Variants in PEX14 observed in about 807,000 individuals in gnomAD.
PEX14 encodes peroxisomal biogenesis factor 14.
In PEX14, 15 loss-of-function variants were observed where a neutral mutation model predicts 49.5. The observed-to-expected ratio is 0.30, with a 90% CI of 0.20 to 0.47. The LOEUF (loss-of-function observed/expected upper bound fraction) is 0.47. Ranked by LOEUF, PEX14 falls within the 20% of genes least tolerant of loss-of-function variation. PEX14 has a pLI of 1.00. For synonymous variants in PEX14, 210 were observed against 212.7 expected, an observed-to-expected ratio of 0.99 and a Z score of 0.11; for missense variants, 398 against 494.8, an observed-to-expected ratio of 0.80 and a Z score of 1.86.
At position 10,527,744 on chromosome 1, in the gene PEX14, G is replaced by A. The variant is rs183531496; in HGVS notation, c.85-8469G>A. 3.5e-3 allele frequency among the ~76,000 whole-genome samples: 537 copies of A among 151,914 alleles called. 3 individuals carry two copies. The highest frequency in any genetic ancestry group is 0.012 in the African/African-American group (506 of 41,442). On this transcript the variant is annotated intron_variant, in intron 2 of 8. Coordinates refer to ENST00000356607, the MANE Select transcript of PEX14 (RefSeq NM_004565.3). ...GCTGGAGTGCAGTGGTGCGATCTTGGTTCATTGCAACCTCTGCCTCCCAGG... is the reference window on the plus strand; with the variant it reads ...GCTGGAGTGCAGTGGTGCGATCTTGATTCATTGCAACCTCTGCCTCCCAGG...
chr1:10,492,432 T>A (rs1641488732), intron 1 of PEX14, among the ~76,000 whole-genome samples: 1 of 152,242 alleles, frequency 6.6e-6, no homozygotes, highest in Non-Finnish European at 1.5e-5. Context: ...AAAATGTGGT[T>A]TAAACAAAAC....
intron 1 of PEX14, among the ~76,000 whole-genome samples, chr1:10,480,825 C>G (rs1285878165): frequency 1.3e-5 from 2 of 150,498 alleles, no homozygotes. Context: ...TGCTTTATGT[C>G]AGTCTCTCTC....
At chr1:10,524,677 TTTGA>T (rs113020709) in intron 2 of PEX14, among the ~76,000 whole-genome samples, 26 of 71,308 alleles carry the variant, frequency 3.6e-4, no homozygotes, top group African/African-American at 7.4e-4. Flanking sequence ...TGTGGAATCA[TTTGA>T]TTGATTGATT....
intron 2 of PEX14, among the ~76,000 whole-genome samples, chr1:10,507,787 T>C (rs1641812529): frequency 6.6e-6 from 1 of 152,242 alleles, no homozygotes; most frequent in Non-Finnish European, 1.5e-5. Flanking sequence ...TTATTTCTAC[T>C]TTCTCTGCCC....
chr1:10,562,150 GC>G (rs1639669420), intron 3 of PEX14, among the ~76,000 whole-genome samples: 1 of 152,052 alleles, frequency 6.6e-6, no homozygotes, highest in East Asian at 1.9e-4. Context: ...CCTGCGCACT[GC>G]CCCCTGCTGC....
At chr1:10,618,737 G>A (rs1420501240) in intron 5 of PEX14, among the ~76,000 whole-genome samples, 1 of 152,230 alleles carries the variant, frequency 6.6e-6, no homozygotes, top group Non-Finnish European at 1.5e-5. Flanking sequence ...CGGGGAAGCC[G>A]TGCGAGCAGT....
intron 3 of PEX14, among the ~76,000 whole-genome samples, chr1:10,567,148 C>CT (rs1243355687): frequency 1.3e-5 from 2 of 152,056 alleles, no homozygotes; most frequent in African/African-American, 4.8e-5. Flanking sequence ...TCATTAAATT[C>CT]TTTTTTTGCC....
chr1:10,589,450 T>C (rs12087384), intron 3 of PEX14, among the ~76,000 whole-genome samples: 14,618 of 152,122 alleles, frequency 0.096, 868 homozygotes, highest in East Asian at 0.21. Context: ...GAATTCAGAG[T>C]GTAAGTTGAA....
intron 3 of PEX14, among the ~76,000 whole-genome samples, chr1:10,573,688 A>C (rs1640044974): frequency 6.6e-6 from 1 of 152,226 alleles, no homozygotes. Flanking sequence ...CTTTCTACTC[A>C]AGTTAAGTAC....
chr1:10,618,508 G>C, intron 5 of PEX14, 91 bp downstream of exon 5: 1 of 965,456 alleles, frequency 1.0e-6, no homozygotes, highest in Non-Finnish European at 1.6e-6. Context: ...TGGAGGCACT[G>C]CCGTGCTCTG....
intron 3 of PEX14, among the ~76,000 whole-genome samples, chr1:10,594,987 A>G (rs1640795680): frequency 6.6e-6 from 1 of 152,112 alleles, no homozygotes; most frequent in African/African-American, 2.4e-5. Context: ...CAGCAGTGAC[A>G]CTGGGGTTTT....
intron 3 of PEX14, among the ~76,000 whole-genome samples, chr1:10,584,832 T>C (rs147818170): frequency 2.1e-3 from 321 of 152,176 alleles, no homozygotes; most frequent in Non-Finnish European, 3.5e-3. Context: ...CATGGAAACA[T>C]AGAAATGGCA....
intron 3 of PEX14, among the ~76,000 whole-genome samples, chr1:10,560,051 T>C (rs6700881): frequency 0.97 from 147,567 of 151,838 alleles, 71,846 homozygotes; most frequent in East Asian, 1. Context: ...GATTTTTTTC[T>C]TCCATCTATT....
rs142286526 is a variant in PEX14 at position 10,510,502 on chromosome 1, C to G, written c.84+15181C>G. On this transcript the variant is annotated intron_variant, in intron 2 of 8. Coordinates refer to ENST00000356607, the MANE Select transcript of PEX14 (RefSeq NM_004565.3). ...TGCTCTGGCATGGAGAAGGAAAAGT[C>G]CCATTTCCTGCTAGGCTGCCAGGCA... Among the ~76,000 whole-genome samples, 1,138 of 152,290 alleles carry G rather than the reference C, an allele frequency of 7.5e-3. 10 individuals are homozygous for G. Among genetic ancestry groups the G allele is most frequent in the Non-Finnish European group, 0.013 (858 of 68,028 alleles).
At chr1:10,533,616 C>T (rs1638712274) in intron 2 of PEX14, among the ~76,000 whole-genome samples, 2 of 152,154 alleles carry the variant, frequency 1.3e-5, no homozygotes, top group South Asian at 2.1e-4. Flanking sequence ...TCCATCATTC[C>T]CTCTCTGCAG....
At chr1:10,575,276 G>A (rs1260117545) in intron 3 of PEX14, among the ~76,000 whole-genome samples, 7 of 152,016 alleles carry the variant, frequency 4.6e-5, no homozygotes, top group Non-Finnish European at 1.0e-4. Context: ...TAAAGCGAAA[G>A]CTATTAGAAA....
At chr1:10,519,877 G>GTGA (rs1326423734) in intron 2 of PEX14, among the ~76,000 whole-genome samples, 1 of 152,062 alleles carries the variant, frequency 6.6e-6, no homozygotes, top group Non-Finnish European at 1.5e-5. Context: ...TCCGGCCGAA[G>GTGA]TGATCCTCCC....
At position 10,613,477 on chromosome 1, in the gene PEX14, C is replaced by T. The variant is rs1329205705; in HGVS notation, c.299-4855C>T. 6.6e-6 allele frequency among the ~76,000 whole-genome samples: 1 copy of T among 152,164 alleles called. No homozygotes were observed. The highest frequency in any genetic ancestry group is 1.9e-4 in the East Asian group (1 of 5,194). On this transcript the variant is annotated intron_variant, in intron 4 of 8. Transcript: ENST00000356607. This position sits in a 1 kb window ranked among gnomAD's most constrained non-coding sequence, Gnocchi z 5.0. ...CCCTTTGCTCTATAGCAGTTTATCC[C>T]CTGACCTCATTGCAGCCCACAGCGC...
At position 10,597,559 on chromosome 1, in the gene PEX14, A is replaced by T. The variant is rs534165505; in HGVS notation, c.170-1679A>T. On this transcript the variant is annotated intron_variant, in intron 3 of 8. Transcript: ENST00000356607. This position sits in a 1 kb window ranked among gnomAD's most constrained non-coding sequence, Gnocchi z 5.7. ...CAGCAAGCACCCCCTCTCTAGCTCC[A>T]CTCTACTGACCTTCAGCTTTTGTCT... 8.6e-5 allele frequency among the ~76,000 whole-genome samples: 13 copies of T among 151,774 alleles called. No individual in the cohort carries two copies. Among genetic ancestry groups the T allele is most frequent in the Non-Finnish European group, 1.8e-4 (12 of 67,958 alleles).
Sources: allele counts gnomAD v4.1 joint callset (sites outside exome capture counted in the v4.1 genomes callset), GRCh38; gene constraint gnomAD v4.1.1; non-coding constraint Gnocchi (gnomAD v3.1); transcripts MANE v1.5; gene names NCBI Gene and HGNC (gene_info 2026-07-23, HGNC 2026-07-21).